The following GTF2A1L variants were observed in gnomAD, a reference collection of about 807,000 sequenced individuals.
GTF2A1L encodes general transcription factor IIA subunit 1 like, also known as TFIIA-alpha and beta-like factor.
GTF2A1L carries 48 observed loss-of-function variants against 49.7 expected under a neutral mutation model. The ratio of observed to expected loss-of-function variants is 0.97; its 90% CI spans 0.77 to 1.23. GTF2A1L has a LOEUF of 1.23. Ranked by LOEUF, GTF2A1L falls within the 50% of genes most tolerant of loss-of-function variation. The probability of loss-of-function intolerance (pLI) is 0.00; values close to 1 mark genes in which losing one functional copy is unlikely to be tolerated. For missense variants in GTF2A1L, 736 were observed against 564.8 expected (o/e 1.30, Z -3.07); for synonymous variants, 246 against 193.5 (o/e 1.27, Z -2.25).
At chr2:48,634,731 C>G (rs1172913526) in intron 3 of GTF2A1L, among the ~76,000 whole-genome samples, 1 of 152,218 alleles carries the variant, frequency 6.6e-6, no homozygotes, top group South Asian at 2.1e-4. Flanking sequence ...CCCCTAGTCT[C>G]TCCTGGCTTG....
rs1676820303 is a variant in GTF2A1L, at chr2:48,635,191, C to G, written c.248-7211C>G. ...GGCTAGTGGACCAGGCAAGCAGGTGCTATGAATACCTGGAGATCTGCCTAG... is the reference window on the plus strand; with the variant it reads ...GGCTAGTGGACCAGGCAAGCAGGTGGTATGAATACCTGGAGATCTGCCTAG... On this transcript the variant is annotated intron_variant, in intron 3 of 8. Transcript: ENST00000403751. 2.6e-5 allele frequency among the ~76,000 whole-genome samples: 4 copies of G among 152,208 alleles called. 1 individual carries two copies. In the South Asian group the frequency reaches 8.3e-4, roughly 32 times the overall value.
Position 48,671,767 on chromosome 2 carries a change from G to A in GTF2A1L, c.1329+87G>A, listed in dbSNP as rs1361208421. Reference sequence around the variant, plus strand: ...AAAATGATGGGAAATAAGATGAAGAGTTACACTTCACAATTAATCAAAACA... The same window carrying A: ...AAAATGATGGGAAATAAGATGAAGAATTACACTTCACAATTAATCAAAACA... On this transcript the variant is annotated intron_variant, in intron 8 of 8. Coordinates refer to ENST00000403751, the MANE Select transcript of GTF2A1L (RefSeq NM_006872.5). 1.3e-5 allele frequency: 16 copies of A among 1,269,876 alleles called. No individual in the cohort carries two copies. In the South Asian group the frequency reaches 2.2e-4, roughly 18 times the overall value. 78.7% of individuals were successfully genotyped at this position (1,269,876 alleles called of 1,614,324 possible). A position where few individuals can be genotyped will look rare whatever the true frequency, so the allele number is the denominator to read the frequency against.
intron 8 of GTF2A1L, among the ~76,000 whole-genome samples, chr2:48,673,094 G>C (rs919774953): frequency 6.6e-6 from 1 of 152,102 alleles, no homozygotes; most frequent in Non-Finnish European, 1.5e-5. Context: ...GTGTTTTCAA[G>C]AGTCATCCAT....
At chr2:48,662,181 C>T (rs563518887) in intron 6 of GTF2A1L, among the ~76,000 whole-genome samples, 58 of 152,294 alleles carry the variant, frequency 3.8e-4, no homozygotes, top group African/African-American at 1.3e-3. Flanking sequence ...CCCTCCCCTA[C>T]TTTGTCTTAT....
At chr2:48,671,793 G>A in intron 8 of GTF2A1L, 113 bp downstream of exon 8, 1 of 1,038,640 alleles carries the variant, frequency 9.6e-7, no homozygotes, top group South Asian at 2.0e-5. Context: ...AATCAAAACA[G>A]CAGTTTAATT....
intron 3 of GTF2A1L, among the ~76,000 whole-genome samples, chr2:48,636,475 A>C (rs1408362084): frequency 6.6e-6 from 1 of 152,192 alleles, no homozygotes; most frequent in Non-Finnish European, 1.5e-5. Flanking sequence ...GAATAAAGTG[A>C]CCACTTGCAA....
intron 1 of GTF2A1L, among the ~76,000 whole-genome samples, chr2:48,620,375 T>A (rs1675913569): frequency 6.6e-6 from 1 of 152,234 alleles, no homozygotes; most frequent in Admixed American, 6.5e-5. Flanking sequence ...AAGCTAAGAC[T>A]ATATTGGGAA....
intron 6 of GTF2A1L, among the ~76,000 whole-genome samples, chr2:48,654,814 C>G (rs1344783773): frequency 6.6e-6 from 1 of 152,166 alleles, no homozygotes; most frequent in African/African-American, 2.4e-5. Context: ...GTGAAAATTA[C>G]TACATCTGTG....
chr2:48,620,790 TA>T (rs1675945463), intron 1 of GTF2A1L, 60 bp from the exon 2 acceptor site: 5 of 869,478 alleles, frequency 5.8e-6, no homozygotes, highest in Non-Finnish European at 7.4e-6. Flanking sequence ...AATAAATAAA[TA>T]AATAAATAAA....
At chr2:48,646,343 G>T in intron 5 of GTF2A1L, 110 bp from the exon 6 acceptor site, 1 of 954,870 alleles carries the variant, frequency 1.0e-6, no homozygotes, top group Non-Finnish European at 1.5e-6. Context: ...TAACATATTG[G>T]TGTATTTTTT....
chr2:48,656,573 TC>T (rs1678190544), intron 6 of GTF2A1L, among the ~76,000 whole-genome samples: 1 of 152,084 alleles, frequency 6.6e-6, no homozygotes, highest in African/African-American at 2.4e-5. Flanking sequence ...GACTTGTAGT[TC>T]TTTATATATC....
chr2:48,638,323 C>G (rs563829535), intron 3 of GTF2A1L, among the ~76,000 whole-genome samples: 17 of 152,264 alleles, frequency 1.1e-4, no homozygotes, highest in Non-Finnish European at 2.2e-4. Flanking sequence ...TGCAAAAATC[C>G]TTAACAAAAT....
intron 3 of GTF2A1L, among the ~76,000 whole-genome samples, chr2:48,638,990 A>C (rs903777383): frequency 2.6e-5 from 4 of 152,108 alleles, no homozygotes; most frequent in African/African-American, 4.8e-5. Context: ...CAATACAGCT[A>C]ACCAGGGAGG....
intron 5 of GTF2A1L, among the ~76,000 whole-genome samples, chr2:48,646,040 C>G (rs1456420541): frequency 1.3e-5 from 2 of 151,460 alleles, no homozygotes; most frequent in African/African-American, 2.4e-5. Flanking sequence ...TTTTGGATAG[C>G]ATTGTCTTGC....
chr2:48,657,805 T>G (rs1351007483), intron 6 of GTF2A1L, among the ~76,000 whole-genome samples: 2 of 151,908 alleles, frequency 1.3e-5, no homozygotes, highest in Admixed American at 6.6e-5. Flanking sequence ...TTCTGACTTG[T>G]GTGAGATGAT....
At chr2:48,632,936 T>G (rs1676665570) in intron 3 of GTF2A1L, 1 of 230,022 alleles carries the variant, frequency 4.3e-6, no homozygotes, top group Admixed American at 5.8e-5. Flanking sequence ...CTATGCCATC[T>G]GGATTCATGT....
intron 6 of GTF2A1L, among the ~76,000 whole-genome samples, chr2:48,660,519 TTTG>T (rs2104267975): frequency 6.6e-6 from 1 of 152,252 alleles, no homozygotes; most frequent in South Asian, 2.1e-4. Context: ...TTTCTAGGAC[TTTG>T]TTAATTTTTA....
chr2:48,636,734 A>G lies in GTF2A1L; in HGVS notation c.248-5668A>G, dbSNP rs866814366. On this transcript the variant is annotated intron_variant, in intron 3 of 8. Transcript: ENST00000403751. ...TTCTGCATGTAGGGTGACTATATGT[A>G]ATTTATAATCTAGTTTTGAGAGAGA... is the stretch of plus-strand genomic sequence containing the variant. 3.3e-5 allele frequency among the ~76,000 whole-genome samples: 5 copies of G among 152,270 alleles called. No individual in the cohort carries two copies. In the East Asian group the frequency reaches 7.7e-4, roughly 24 times the overall value.
chr2:48,626,508 C>T (rs537763347), intron 3 of GTF2A1L, among the ~76,000 whole-genome samples: 1 of 144,632 alleles, frequency 6.9e-6, no homozygotes, highest in South Asian at 2.3e-4. Context: ...AGTCCATGAA[C>T]ATGGGTATTT....
Sources: allele counts gnomAD v4.1 joint callset (sites outside exome capture counted in the v4.1 genomes callset), GRCh38; gene constraint gnomAD v4.1.1; transcripts MANE v1.5; gene names NCBI Gene and HGNC (gene_info 2026-07-23, HGNC 2026-07-21).